Variants in MYO18A observed in about 807,000 individuals in gnomAD.
MYO18A encodes the protein unconventional myosin-XVIIIa.
A neutral mutation model predicts 235.8 loss-of-function variants in MYO18A; 78 were observed. The ratio of observed to expected loss-of-function variants is 0.33; its 90% CI spans 0.28 to 0.40. The LOEUF is 0.40. MYO18A is among the 10% of genes least tolerant of loss of function. The pLI is 1.00. For missense variants in MYO18A, 2,215 were observed against 2,699.3 expected, an observed-to-expected ratio of 0.82 and a Z score of 3.98; for synonymous variants, 977 against 1,077.8, an observed-to-expected ratio of 0.91 and a Z score of 1.83.
Position 29,074,362 on chromosome 17 carries a change from C to A in MYO18A, c.*408G>T. The A allele has an allele frequency of 1.4e-6, 1 of 698,306 alleles. No homozygotes were observed. Among genetic ancestry groups the A allele is most frequent in the Non-Finnish European group, 2.4e-6 (1 of 417,264 alleles). 43.3% of individuals were successfully genotyped at this position (698,306 alleles called of 1,614,324 possible). ...CCACACGAGAGGGAAGGCACTGCTTCTCCTCCCCCAATCCTCCCCATGGAC... is the reference window on the plus strand; with the variant it reads ...CCACACGAGAGGGAAGGCACTGCTTATCCTCCCCCAATCCTCCCCATGGAC... On this transcript the variant is annotated 3_prime_UTR_variant, in exon 42 of 42. Transcript: ENST00000527372. This position sits in a 1 kb window ranked among gnomAD's most constrained non-coding sequence, Gnocchi z 4.4.
chr17:29,174,458 T>C (rs554238437), intron 1 of MYO18A, among the ~76,000 whole-genome samples: 16 of 151,982 alleles, frequency 1.1e-4, no homozygotes, highest in African/African-American at 3.9e-4. Context: ...TGAGCCAAGA[T>C]TCGTGCTACT....
chr17:29,155,946 C>G (rs1351963929), intron 2 of MYO18A, among the ~76,000 whole-genome samples: 1 of 152,208 alleles, frequency 6.6e-6, no homozygotes, highest in Non-Finnish European at 1.5e-5. Flanking sequence ...GACAAGTCAC[C>G]TAGGCCAGTC....
intron 1 of MYO18A, chr17:29,176,707 T>C (rs1187226520): frequency 6.6e-6 from 1 of 152,158 alleles, no homozygotes; most frequent in African/African-American, 2.4e-5. Flanking sequence ...GGGAGCCTCC[T>C]CCCGGCCGGC....
chr17:29,107,347 G>T, intron 19 of MYO18A, 158 bp from the exon 20 acceptor site: 1 of 652,464 alleles, frequency 1.5e-6, no homozygotes, highest in Non-Finnish European at 2.7e-6. Context: ...GAAAGGAGAG[G>T]GGGTAGGCAG....
intron 34 of MYO18A, chr17:29,091,578 G>A (rs2066398520): frequency 4.4e-6 from 2 of 453,072 alleles, no homozygotes; most frequent in South Asian, 3.1e-5. Context: ...AAATAAAATG[G>A]TAATTTTATA....
At position 29,119,370 on chromosome 17, in the gene MYO18A, G is replaced by A. The variant is rs746882610; in HGVS notation, c.1794C>T (p.Phe598=). Residue 598 remains phenylalanine (F), a synonymous_variant, in exon 8 of 42, where the codon TTC becomes TTT. Transcript: ENST00000527372. The stretch of plus-strand genomic sequence containing the variant: ...CATCCCCACAGGCCAGCAGGTAGTA[G>A]AAGACGTTGAATGTGGCTTCACTGG... The part of the protein sequence containing the change: ...RPASEATFNV[F]YYLLACGDGT... 1 of 1,612,912 alleles carries A rather than the reference G, an allele frequency of 6.2e-7. No individual in the cohort carries two copies. Among genetic ancestry groups the A allele is most frequent in the Non-Finnish European group, 8.5e-7 (1 of 1,179,556 alleles).
At chr17:29,148,681 G>C (rs1474080084) in intron 2 of MYO18A, among the ~76,000 whole-genome samples, 1 of 152,094 alleles carries the variant, frequency 6.6e-6, no homozygotes, top group Non-Finnish European at 1.5e-5. Flanking sequence ...GTATTGAGGT[G>C]CCAAGATTTT....
intron 2 of MYO18A, among the ~76,000 whole-genome samples, chr17:29,142,345 T>A (rs997471669): frequency 6.6e-6 from 1 of 152,164 alleles, no homozygotes; most frequent in Non-Finnish European, 1.5e-5. Flanking sequence ...AAATGTCCAT[T>A]TGTTAAATGA....
Position 29,140,346 on chromosome 17 carries a change from G to T in MYO18A, c.1000-18093C>A. On this transcript the variant is annotated intron_variant, in intron 2 of 41. Transcript: ENST00000527372. The surrounding 1 kb of genome is among the most constrained non-coding windows in gnomAD (Gnocchi z 4.2). ...GGGTCAGAGGGACACTCACCCGCAT[G>T]GCCTGGCCTGGAGCAGCCCAGAGCA... 1 of 1,276,732 alleles carries T rather than the reference G, an allele frequency of 7.8e-7. No individual in the cohort carries two copies. The highest frequency in any genetic ancestry group is 1.5e-5 in the African/African-American group (1 of 65,286). The allele number at this position is 1,276,732 out of a possible 1,614,324, so 79.1% of individuals were successfully genotyped here.
intron 1 of MYO18A, among the ~76,000 whole-genome samples, chr17:29,175,249 C>T (rs567812241): frequency 6.3e-4 from 96 of 151,846 alleles, no homozygotes; most frequent in Non-Finnish European, 1.2e-3. Context: ...CCACCGCACT[C>T]GGGCTATATT....
At position 29,125,548 on chromosome 17, in the gene MYO18A, G is replaced by A. The variant is rs762529068; in HGVS notation, c.1000-3295C>T. On this transcript the variant is annotated intron_variant, in intron 2 of 41. Coordinates refer to ENST00000527372, the MANE Select transcript of MYO18A (RefSeq NM_078471.4). The surrounding 1 kb of genome is among the most constrained non-coding windows in gnomAD (Gnocchi z 5.1). ...TTATCAGGCCCCACCTGGGTCTAGA[G>A]AGCCAGGTCACCAAAAATAGCGACA... is the stretch of plus-strand genomic sequence containing the variant. Among the ~76,000 whole-genome samples, 2 of 152,240 alleles carry A rather than the reference G, an allele frequency of 1.3e-5. No homozygotes were observed. The highest frequency in any genetic ancestry group is 2.9e-5 in the Non-Finnish European group (2 of 68,042).
At chr17:29,080,366 G>GT (rs1206142994) in intron 41 of MYO18A, 2 of 986,226 alleles carry the variant, frequency 2.0e-6, no homozygotes, top group African/African-American at 3.5e-5. Context: ...CGTGGCCGGG[G>GT]TGGCACCGAC....
Position 29,116,468 on chromosome 17 carries a change from G to T in MYO18A, c.2039-13C>A. ...CCTTCAGCAGCTTCTGTAAGGCAAAGGACCAGCATGCAGCATGCAAAGAAA... is the reference window on the plus strand; with the variant it reads ...CCTTCAGCAGCTTCTGTAAGGCAAATGACCAGCATGCAGCATGCAAAGAAA... On this transcript the variant is annotated splice_polypyrimidine_tract_variant and intron_variant, in intron 10 of 41. Coordinates refer to ENST00000527372, the MANE Select transcript of MYO18A (RefSeq NM_078471.4). 1 of 1,614,022 alleles carries T rather than the reference G, an allele frequency of 6.2e-7. No homozygotes were observed. Among genetic ancestry groups the T allele is most frequent in the East Asian group, 2.2e-5 (1 of 44,886 alleles).
intron 40 of MYO18A, among the ~76,000 whole-genome samples, chr17:29,083,250 G>T (rs567761978): frequency 6.6e-6 from 1 of 152,048 alleles, no homozygotes; most frequent in Non-Finnish European, 1.5e-5. Flanking sequence ...GTGCTTCATC[G>T]GGCAGAGCTG....
chr17:29,092,821 G>T, intron 33 of MYO18A, 34 bp downstream of exon 33: 1 of 1,611,116 alleles, frequency 6.2e-7, no homozygotes, highest in Non-Finnish European at 8.5e-7. Context: ...AAGCTCTGTT[G>T]TGCCTGGATC....
chr17:29,105,776 A>G (rs1192894868), intron 20 of MYO18A, among the ~76,000 whole-genome samples: 1 of 152,214 alleles, frequency 6.6e-6, no homozygotes, highest in Non-Finnish European at 1.5e-5. Flanking sequence ...GACATCTAGA[A>G]GACTTGCTGG....
chr17:29,125,337 G>A lies in MYO18A; in HGVS notation c.1000-3084C>T, dbSNP rs118015062. On this transcript the variant is annotated intron_variant, in intron 2 of 41. Coordinates refer to ENST00000527372, the MANE Select transcript of MYO18A (RefSeq NM_078471.4). This position sits in a 1 kb window ranked among gnomAD's most constrained non-coding sequence, Gnocchi z 5.1. ...TAGCACTCCCACCTCTGCCAGCCAG[G>A]CACACCGACCCCATCTAGATCCAAC... Among the ~76,000 whole-genome samples, 112 of 152,262 alleles carry A rather than the reference G, an allele frequency of 7.4e-4. No homozygotes were observed. The highest frequency in any genetic ancestry group is 1.5e-3 in the Non-Finnish European group (99 of 68,006).
chr17:29,138,360 C>T (rs1201559740), intron 2 of MYO18A, among the ~76,000 whole-genome samples: 6 of 152,136 alleles, frequency 3.9e-5, no homozygotes, highest in South Asian at 2.1e-4. Flanking sequence ...ACTCACACAC[C>T]GGAGGCTTCT....
chr17:29,165,742 G>A (rs1458468206), intron 2 of MYO18A, among the ~76,000 whole-genome samples, 200 bp downstream of exon 2: 1 of 152,168 alleles, frequency 6.6e-6, no homozygotes, highest in East Asian at 1.9e-4. Flanking sequence ...TGTAGGGGTG[G>A]CACCCCCAGA....
Sources: allele counts gnomAD v4.1 joint callset (sites outside exome capture counted in the v4.1 genomes callset), GRCh38; gene constraint gnomAD v4.1.1; non-coding constraint Gnocchi (gnomAD v3.1); transcripts MANE v1.5; gene names NCBI Gene and HGNC (gene_info 2026-07-23, HGNC 2026-07-21).